The following CSMD3 variants were observed in gnomAD, a reference collection of about 807,000 sequenced individuals.
CSMD3 encodes the protein CUB and Sushi multiple domains 3.
A neutral mutation model predicts 435.2 loss-of-function variants in CSMD3; 177 were observed. That is an observed-to-expected ratio of 0.41 (90% CI 0.36 to 0.46). The LOEUF is 0.46. CSMD3 is among the 20% of genes least tolerant of loss of function. CSMD3 has a pLI of 0.34. For synonymous variants in CSMD3, 1,656 were observed against 1,520.5 expected, an observed-to-expected ratio of 1.09 and a Z score of -2.07; for missense variants, 4,265 against 4,504.6, an observed-to-expected ratio of 0.95 and a Z score of 1.52.
rs2078428197 is a variant in CSMD3, at chr8:112,782,887, C to G, written c.1972+17275G>C. Among the ~76,000 whole-genome samples, 4 of 151,892 alleles carry G rather than the reference C, an allele frequency of 2.6e-5. No homozygotes were observed. The South Asian group carries it at 8.3e-4, about 31-fold the overall frequency. On this transcript the variant is annotated intron_variant, in intron 13 of 70. Coordinates refer to ENST00000297405, the MANE Select transcript of CSMD3 (RefSeq NM_198123.2). Reference sequence around the variant, plus strand: ...AAGGAGAAACAAATACTTTCCCAGACAAACAAAAACTGAGGGATTTTGTCA... The same window carrying G: ...AAGGAGAAACAAATACTTTCCCAGAGAAACAAAAACTGAGGGATTTTGTCA...
At chr8:113,363,654 G>C (rs1029183562) in intron 1 of CSMD3, among the ~76,000 whole-genome samples, 3 of 152,238 alleles carry the variant, frequency 2.0e-5, no homozygotes, top group African/African-American at 7.2e-5. Flanking sequence ...TCTTGTGTGA[G>C]TCTAATTTTC....
chr8:112,510,782 C>G (rs993490601), intron 28 of CSMD3, among the ~76,000 whole-genome samples: 1 of 152,162 alleles, frequency 6.6e-6, no homozygotes, highest in Non-Finnish European at 1.5e-5. Context: ...CAGCACTCAT[C>G]ACTAATATGT....
chr8:112,351,146 G>A (rs138115844), intron 40 of CSMD3, 29 bp downstream of exon 40: 11 of 1,307,336 alleles, frequency 8.4e-6, no homozygotes, highest in Non-Finnish European at 1.2e-5. Context: ...TAAGTTCTAG[G>A]GTAAATACTT....
At chr8:113,167,344 A>G (rs2092172325) in intron 4 of CSMD3, among the ~76,000 whole-genome samples, 1 of 152,198 alleles carries the variant, frequency 6.6e-6, no homozygotes, top group Non-Finnish European at 1.5e-5. Context: ...CTATCATTTA[A>G]TCTAATTTCT....
intron 1 of CSMD3, among the ~76,000 whole-genome samples, chr8:113,412,039 A>T (rs1161641119): frequency 6.6e-6 from 1 of 152,104 alleles, no homozygotes; most frequent in Non-Finnish European, 1.5e-5. Context: ...AAATGGGATG[A>T]TAATACATAC....
At chr8:113,174,918 G>GTTCCCT (rs1298805897) in intron 3 of CSMD3, among the ~76,000 whole-genome samples, 2 of 151,858 alleles carry the variant, frequency 1.3e-5, no homozygotes, top group South Asian at 2.1e-4. Flanking sequence ...AGTTCCATAA[G>GTTCCCT]TAGTTATATC....
intron 10 of CSMD3, among the ~76,000 whole-genome samples, chr8:112,893,538 C>A (rs1458724591): frequency 1.3e-5 from 2 of 151,616 alleles, no homozygotes; most frequent in African/African-American, 4.8e-5. Flanking sequence ...AAGTAACTAA[C>A]TTCCTCCAGG....
intron 32 of CSMD3, among the ~76,000 whole-genome samples, chr8:112,417,326 A>G (rs1057035844): frequency 1.3e-5 from 2 of 152,140 alleles, no homozygotes; most frequent in African/African-American, 4.8e-5. Context: ...CCTCATCTGT[A>G]AAATAGGGAT....
intron 3 of CSMD3, among the ~76,000 whole-genome samples, chr8:113,187,148 T>TTTC (rs547503245): frequency 3.4e-4 from 52 of 151,562 alleles, no homozygotes; most frequent in East Asian, 2.0e-3. Context: ...AGTTTTTTTT[T>TTTC]TTCTTCTTCT....
At chr8:112,659,651 T>A (rs968890444) in intron 17 of CSMD3, among the ~76,000 whole-genome samples, 8 of 152,272 alleles carry the variant, frequency 5.3e-5, no homozygotes, top group African/African-American at 1.7e-4. Flanking sequence ...AGCTGCTGGA[T>A]ATTGAGAAAA....
Position 112,503,784 on chromosome 8 carries a change from A to G in CSMD3, c.5083+6T>C, listed in dbSNP as rs753404410. 3.8e-6 allele frequency: 6 copies of G among 1,592,766 alleles called. No homozygotes were observed. Among genetic ancestry groups the G allele is most frequent in the Non-Finnish European group, 5.2e-6 (6 of 1,161,650 alleles). Reference sequence around the variant, plus strand: ...CATGATACTAACATGGAATGTTCATATTTACCTTTGTATTCTAGATGAAAT... The same window carrying G: ...CATGATACTAACATGGAATGTTCATGTTTACCTTTGTATTCTAGATGAAAT... On this transcript the variant is annotated splice_donor_region_variant and intron_variant, in intron 30 of 70. Transcript: ENST00000297405.
At chr8:112,863,730 A>G (rs940669793) in intron 10 of CSMD3, among the ~76,000 whole-genome samples, 1 of 152,118 alleles carries the variant, frequency 6.6e-6, no homozygotes, top group African/African-American at 2.4e-5. Context: ...TTGCCTCTTC[A>G]ATGGAGCCTT....
intron 1 of CSMD3, among the ~76,000 whole-genome samples, chr8:113,402,557 G>A (rs2094515065): frequency 6.6e-6 from 1 of 151,064 alleles, no homozygotes; most frequent in African/African-American, 2.4e-5. Context: ...AATCTATTGA[G>A]GAAATGCATT....
chr8:112,582,118 G>C (rs1341894496), intron 23 of CSMD3, among the ~76,000 whole-genome samples: 2 of 152,004 alleles, frequency 1.3e-5, no homozygotes, highest in African/African-American at 4.8e-5. Flanking sequence ...TTCGTGAATG[G>C]TTTAGCACCA....
chr8:112,687,261 T>C (rs867924864), intron 14 of CSMD3, among the ~76,000 whole-genome samples: 1 of 151,992 alleles, frequency 6.6e-6, no homozygotes, highest in Non-Finnish European at 1.5e-5. Flanking sequence ...TGATAACTCA[T>C]TGTCTTAACT....
intron 1 of CSMD3, among the ~76,000 whole-genome samples, chr8:113,397,224 T>C (rs1213332131): frequency 1.3e-5 from 2 of 152,154 alleles, no homozygotes; most frequent in African/African-American, 2.4e-5. Context: ...TGGTAAAAGG[T>C]ATCTCCATCT....
chr8:113,125,636 G>A (rs1317700356), intron 4 of CSMD3, among the ~76,000 whole-genome samples: 1 of 151,854 alleles, frequency 6.6e-6, no homozygotes, highest in Non-Finnish European at 1.5e-5. Context: ...AAGAAGAGTG[G>A]GAAGGACTGG....
At chr8:112,358,410 G>C (rs1354981167) in intron 38 of CSMD3, among the ~76,000 whole-genome samples, 1 of 152,164 alleles carries the variant, frequency 6.6e-6, no homozygotes, top group East Asian at 1.9e-4. Context: ...GTTTTGAAAT[G>C]TGAAGATGTG....
In CSMD3 at chr8:112,292,604, C is replaced by T. The variant is rs2130688998; in HGVS notation, c.8721G>A (p.Met2907Ile). Residue 2907 changes from methionine to isoleucine, a missense_variant, in exon 55 of 71, where the codon ATG becomes ATA. Around this residue, in one of 3 missense-constraint regions of CSMD3, gnomAD observed 3,255 missense variants for 3,380.2 expected, o/e 0.96. Transcript: ENST00000297405. The stretch of plus-strand genomic sequence containing the variant: ...GGCACTGTGCCTTTGTTGGCCCTTG[C>T]ATAAGATACCCAATATTGCATGAGA... ...VTFSCNIGYL[M>I]QGPTKAQCQA... 6.2e-6 allele frequency: 10 copies of T among 1,613,796 alleles called. No individual in the cohort carries two copies. The highest frequency in any genetic ancestry group is 8.5e-6 in the Non-Finnish European group (10 of 1,179,778).
Sources: allele counts gnomAD v4.1 joint callset (sites outside exome capture counted in the v4.1 genomes callset), GRCh38; gene constraint gnomAD v4.1.1; regional missense constraint gnomAD v4.1.1; transcripts MANE v1.5; gene names NCBI Gene and HGNC (gene_info 2026-07-23, HGNC 2026-07-21).